REV3L: variants seen among roughly 807,000 people sequenced by gnomAD.
The protein encoded by REV3L is DNA polymerase zeta catalytic subunit.
REV3L carries 69 observed loss-of-function variants against 299.4 expected under a neutral mutation model. That is an observed-to-expected ratio of 0.23 (90% CI 0.19 to 0.28). The LOEUF (loss-of-function observed/expected upper bound fraction) is 0.28. Among genes scored for constraint, REV3L ranks in the 10% least tolerant of loss-of-function variants. REV3L has a pLI of 1.00. For synonymous variants in REV3L, 1,238 were observed against 1,271.4 expected (o/e 0.97, Z 0.56); for missense variants, 3,128 against 3,693.8 (o/e 0.85, Z 3.97).
At chr6:111,329,814 A>G in intron 24 of REV3L, 76 bp from the exon 25 acceptor site, 1 of 1,109,740 alleles carries the variant, frequency 9.0e-7, no homozygotes, top group Non-Finnish European at 1.3e-6. Context: ...AGCATAAAAC[A>G]TAATAATGGC....
intron 1 of REV3L, among the ~76,000 whole-genome samples, chr6:111,467,615 T>C (rs1465845375): frequency 6.6e-6 from 1 of 152,200 alleles, no homozygotes; most frequent in Non-Finnish European, 1.5e-5. Context: ...CAAACTTTTT[T>C]CCTTGTTATT....
intron 22 of REV3L, 147 bp from the exon 23 acceptor site, chr6:111,333,514 G>T: frequency 9.5e-7 from 1 of 1,048,994 alleles, no homozygotes; most frequent in Non-Finnish European, 1.3e-6. Flanking sequence ...CGCTCTTGTT[G>T]CCCAAGCTGG....
intron 30 of REV3L, among the ~76,000 whole-genome samples, chr6:111,308,655 A>AGT (rs1240475345): frequency 6.6e-6 from 1 of 152,192 alleles, no homozygotes; most frequent in African/African-American, 2.4e-5. Flanking sequence ...GGCTGTGTCT[A>AGT]GTGTGTCTAG....
intron 1 of REV3L, among the ~76,000 whole-genome samples, chr6:111,439,963 A>C (rs144835894): frequency 5.3e-5 from 8 of 152,312 alleles, no homozygotes; most frequent in African/African-American, 1.9e-4. Flanking sequence ...CCAGTGGACT[A>C]TGATTTCTTC....
At chr6:111,395,606 A>G (rs1404489231) in intron 4 of REV3L, among the ~76,000 whole-genome samples, 2 of 151,996 alleles carry the variant, frequency 1.3e-5, no homozygotes, top group Non-Finnish European at 1.5e-5. Context: ...TTTTTGTTGG[A>G]GTCTTCAGGT....
chr6:111,386,210 TA>T (rs909672673), intron 9 of REV3L, among the ~76,000 whole-genome samples: 3 of 152,222 alleles, frequency 2.0e-5, no homozygotes, highest in African/African-American at 7.2e-5. Context: ...GATGTAGCAC[TA>T]AGTGCAAAAG....
intron 1 of REV3L, among the ~76,000 whole-genome samples, chr6:111,422,635 T>TATATATATATACAC (rs1562287418): frequency 1.5e-4 from 3 of 19,632 alleles, no homozygotes; most frequent in African/African-American, 2.3e-4. Flanking sequence ...TATATACACA[T>TATATATATATACAC]ATATATATAT....
At chr6:111,394,756 T>C (rs1782306072) in intron 4 of REV3L, among the ~76,000 whole-genome samples, 1 of 150,006 alleles carries the variant, frequency 6.7e-6, no homozygotes, top group Non-Finnish European at 1.5e-5. Flanking sequence ...CAGGCTGGAG[T>C]GCAGTGTATG....
chr6:111,382,188 G>A (rs1780899136), intron 9 of REV3L, among the ~76,000 whole-genome samples: 2 of 151,968 alleles, frequency 1.3e-5, no homozygotes, highest in Admixed American at 6.6e-5. Context: ...AACAATTGCC[G>A]TCCCCTGAAG....
chr6:111,319,278 T>C (rs966607603), intron 26 of REV3L, among the ~76,000 whole-genome samples: 7 of 151,954 alleles, frequency 4.6e-5, no homozygotes, highest in Non-Finnish European at 7.4e-5. Context: ...CTGGCCAACA[T>C]AGTGAAACCC....
At position 111,330,645 on chromosome 6, in the gene REV3L, A is replaced by G. The variant is rs1006350330; in HGVS notation, c.8035-907T>C. Among the ~76,000 whole-genome samples the G allele has an allele frequency of 3.9e-5, 6 of 152,196 alleles. No homozygotes were observed. In the East Asian group the frequency reaches 1.2e-3, roughly 29 times the overall value. On this transcript the variant is annotated intron_variant, in intron 24 of 31. Coordinates refer to ENST00000368802, the MANE Select transcript of REV3L (RefSeq NM_001372078.1). Reference sequence around the variant, plus strand: ...AAGCTGCTAGATATGCGACAATGGAACATATTCTAACCTCTAATTCATTTG... The same window carrying G: ...AAGCTGCTAGATATGCGACAATGGAGCATATTCTAACCTCTAATTCATTTG...
At position 111,367,320 on chromosome 6, in the gene REV3L, A is replaced by T. The variant is rs138561908; in HGVS notation, c.6468T>A (p.Ala2156=). ...TTATTGGCTTTAAGAAGTTCTCAAA[A>T]GCCAATGAAGGCAGCTCCTCTACTG... ...SSPVEELPSL[A]FENFLKPIKD... The change falls in exon 14 of 32, where the codon GCT becomes GCA. Residue 2156 remains alanine (A), a synonymous_variant. Coordinates refer to ENST00000368802, the MANE Select transcript of REV3L (RefSeq NM_001372078.1). 2.5e-6 allele frequency: 4 copies of T among 1,607,992 alleles called. No homozygotes were observed. Among genetic ancestry groups the T allele is most frequent in the Non-Finnish European group, 8.5e-7 (1 of 1,178,080 alleles).
chr6:111,303,913 G>A (rs1396239064), intron 31 of REV3L, among the ~76,000 whole-genome samples: 1 of 150,822 alleles, frequency 6.6e-6, no homozygotes, highest in East Asian at 2.0e-4. Flanking sequence ...GTAGAGCTGG[G>A]GTTTCTCCAT....
chr6:111,309,820 A>T, intron 30 of REV3L, 33 bp downstream of exon 30: 7 of 1,596,822 alleles, frequency 4.4e-6, no homozygotes, highest in Non-Finnish European at 6.0e-6. Flanking sequence ...ATCTCTCCAT[A>T]GTTAGAGCAC....
intron 1 of REV3L, among the ~76,000 whole-genome samples, chr6:111,418,297 A>G (rs1784974663): frequency 6.6e-6 from 1 of 152,238 alleles, no homozygotes; most frequent in African/African-American, 2.4e-5. Context: ...TAGTCAATAT[A>G]TCTCAATAAT....
At chr6:111,431,495 T>C (rs140530215) in intron 1 of REV3L, 20 of 980,122 alleles carry the variant, frequency 2.0e-5, no homozygotes, top group Non-Finnish European at 3.1e-5. Flanking sequence ...GGGAGCTAGC[T>C]CCAGGAAGCC....
At position 111,367,517 on chromosome 6, in the gene REV3L, T is replaced by A; in HGVS notation, c.6271A>T (p.Ser2091Cys). 1 of 1,611,060 alleles carries A rather than the reference T, an allele frequency of 6.2e-7. No homozygotes were observed. Among genetic ancestry groups the A allele is most frequent in the Non-Finnish European group, 8.5e-7 (1 of 1,177,490 alleles). The change falls in exon 14 of 32, where the codon AGT becomes TGT. Residue 2091 changes from serine to cysteine, a missense_variant. Physicochemically the swap from Ser to Cys is moderately radical, Grantham distance 112. Around this residue, in one of 9 missense-constraint regions of REV3L, gnomAD observed 2,409 missense variants for 2,611.8 expected, o/e 0.92. Transcript: ENST00000368802. Reference sequence around the variant, plus strand: ...GAGGCAACTGGTGGCAGCATCTGACTTTCACTTGCAGTTTGACTACATCCC... The same window carrying A: ...GAGGCAACTGGTGGCAGCATCTGACATTCACTTGCAGTTTGACTACATCCC... Reference protein sequence around the residue: ...TTGCSQTASESQMLPPVASAS... With the variant: ...TTGCSQTASECQMLPPVASAS...
Position 111,374,035 on chromosome 6 carries a change from T to G in REV3L, c.4320A>C (p.Glu1440Asp), listed in dbSNP as rs1780054685. The G allele has an allele frequency of 6.2e-7, 1 of 1,614,148 alleles. No individual in the cohort carries two copies. The highest frequency in any genetic ancestry group is 1.3e-5 in the African/African-American group (1 of 75,056). The stretch of plus-strand genomic sequence containing the variant: ...AAGCTGTATTTCCCGGAGAACAAGT[T>G]TCACTGTGCTTTGACTGTTCCGCTA... ...VCIAEQSKHS[E>D]TCSPGNTASE... Residue 1440 changes from glutamate (E) to aspartate (D), a missense_variant, in exon 13 of 32, where the codon GAA becomes GAC. Transcript: ENST00000368802.
At chr6:111,306,934 C>A (rs1772374083) in intron 31 of REV3L, among the ~76,000 whole-genome samples, 2 of 152,174 alleles carry the variant, frequency 1.3e-5, no homozygotes, top group South Asian at 4.1e-4. Flanking sequence ...GGAATAAGTG[C>A]ATTATACTTA....
Sources: gnomAD v4.1 joint callset for allele counts (sites outside exome capture counted in the v4.1 genomes callset) on GRCh38, gnomAD v4.1.1 for gene constraint, gnomAD v4.1.1 regional missense constraint, MANE v1.5 for transcripts, NCBI Gene and HGNC (gene_info 2026-07-23, HGNC 2026-07-21) for gene names.